LRRC47: variants seen among roughly 807,000 people sequenced by gnomAD.
The protein encoded by LRRC47 is leucine rich repeat containing 47.
Under a neutral mutation model 40.9 loss-of-function variants are expected in LRRC47, and 31 were observed. The ratio of observed to expected loss-of-function variants is 0.76; its 90% CI spans 0.57 to 1.02. The LOEUF (loss-of-function observed/expected upper bound fraction) is 1.02, where lower values mean the gene tolerates loss of function less well. Among genes scored for constraint, LRRC47 ranks in the 50% least tolerant of loss-of-function variants. The pLI, the probability that LRRC47 is intolerant of heterozygous loss-of-function variation, is 0.00. For synonymous variants in LRRC47, 427 were observed against 371.9 expected (o/e 1.15, Z -1.70); for missense variants, 726 against 796.1 (o/e 0.91, Z 1.06).
chr1:3,785,328 C>T (rs542168453), intron 2 of LRRC47, 125 bp from the exon 3 acceptor site: 10 of 531,456 alleles, frequency 1.9e-5, no homozygotes, highest in East Asian at 3.5e-5. Flanking sequence ...TTCACAACCA[C>T]GCCACGCCCC....
At chr1:3,784,927 A>ATG (rs1643557447) in intron 3 of LRRC47, 160 bp downstream of exon 3, 1 of 411,444 alleles carries the variant, frequency 2.4e-6, no homozygotes, top group Non-Finnish European at 4.4e-6. Context: ...CCCAGGAGGC[A>ATG]GAGGCTGCAG....
At position 3,787,241 on chromosome 1, in the gene LRRC47, CCTT is replaced by C; in HGVS notation, c.682_684del (p.Lys228del). 3 of 1,613,702 alleles carry C rather than the reference CCTT, an allele frequency of 1.9e-6. No homozygotes were observed. The highest frequency in any genetic ancestry group is 2.5e-6 in the Non-Finnish European group (3 of 1,180,050). The stretch of plus-strand genomic sequence containing the variant: ...AGCTTGTTCCCACGGAAATTGATCT[CCTT>C]GAGCTTGGGGCAGTCCGCAAGCTCT... On this transcript the variant is annotated inframe_deletion, in exon 2 of 7. Coordinates refer to ENST00000378251, the MANE Select transcript of LRRC47 (RefSeq NM_020710.3).
chr1:3,783,894 G>A (rs1262038641), intron 4 of LRRC47, 102 bp downstream of exon 4: 1 of 884,238 alleles, frequency 1.1e-6, no homozygotes, highest in South Asian at 1.6e-5. Context: ...TCTGGGTTCT[G>A]GTAGCATTAG....
intron 5 of LRRC47, among the ~76,000 whole-genome samples, chr1:3,782,371 A>G (rs1054896110): frequency 6.6e-6 from 1 of 151,946 alleles, no homozygotes; most frequent in Non-Finnish European, 1.5e-5. Context: ...GGTATGTGCC[A>G]CTATGCTCAG....
At chr1:3,789,437 G>A (rs144423468) in intron 1 of LRRC47, among the ~76,000 whole-genome samples, 81 of 152,404 alleles carry the variant, frequency 5.3e-4, no homozygotes, top group African/African-American at 1.8e-3. Flanking sequence ...GCAGTGCGGC[G>A]TCTCCCTCCG....
intron 1 of LRRC47, among the ~76,000 whole-genome samples, chr1:3,788,192 C>G (rs1303777098): frequency 6.6e-6 from 1 of 152,230 alleles, no homozygotes; most frequent in Admixed American, 6.5e-5. Flanking sequence ...CAAAAGGGGC[C>G]CATCCGCCTC....
At chr1:3,786,295 C>T (rs1435560209) in intron 2 of LRRC47, among the ~76,000 whole-genome samples, 2 of 152,090 alleles carry the variant, frequency 1.3e-5, no homozygotes, top group African/African-American at 4.8e-5. Context: ...GTCAGGAGTT[C>T]AAGACCAACC....
chr1:3,783,278 G>C (rs887617531), intron 4 of LRRC47, among the ~76,000 whole-genome samples: 3 of 152,030 alleles, frequency 2.0e-5, no homozygotes, highest in African/African-American at 7.2e-5. Flanking sequence ...ATATTAGCCA[G>C]GCATGGTGGC....
In LRRC47 at chr1:3,789,517, C is replaced by T. The variant is rs375960498; in HGVS notation, c.616-2207G>A. On this transcript the variant is annotated intron_variant, in intron 1 of 6. Coordinates refer to ENST00000378251, the MANE Select transcript of LRRC47 (RefSeq NM_020710.3). The stretch of plus-strand genomic sequence containing the variant: ...GCGAAGGAGGCGGGCGGGGCCCCAC[C>T]GGGGCGCCCAGAGCAGCCACAGCCA... 2.0e-3 allele frequency among the ~76,000 whole-genome samples: 303 copies of T among 152,348 alleles called. 1 individual carries two copies. Among genetic ancestry groups the T allele is most frequent in the African/African-American group, 6.9e-3 (287 of 41,598 alleles).
At chr1:3,793,549 C>G (rs1643645645) in intron 1 of LRRC47, among the ~76,000 whole-genome samples, 1 of 152,176 alleles carries the variant, frequency 6.6e-6, no homozygotes, top group Non-Finnish European at 1.5e-5. Context: ...CTGAATTCTG[C>G]TAAGGGGTAG....
intron 2 of LRRC47, among the ~76,000 whole-genome samples, chr1:3,786,561 A>G (rs1006403675): frequency 2.0e-5 from 3 of 152,058 alleles, no homozygotes; most frequent in African/African-American, 7.2e-5. Flanking sequence ...ACGACCAGTG[A>G]CCAGGACCAA....
chr1:3,794,048 A>T (rs1266075195), intron 1 of LRRC47, among the ~76,000 whole-genome samples: 3 of 152,134 alleles, frequency 2.0e-5, no homozygotes, highest in Non-Finnish European at 4.4e-5. Flanking sequence ...ACGAAAAATT[A>T]GCTGGGTGTT....
chr1:3,791,474 G>A (rs544480849), intron 1 of LRRC47, among the ~76,000 whole-genome samples: 1 of 151,784 alleles, frequency 6.6e-6, no homozygotes, highest in African/African-American at 2.4e-5. Flanking sequence ...CTTTTTTCTT[G>A]AGACGAAGTT....
Position 3,796,186 on chromosome 1 carries a change from C to T in LRRC47, c.291G>A (p.Pro97=), listed in dbSNP as rs1159691164. 9 of 1,436,916 alleles carry T rather than the reference C, an allele frequency of 6.3e-6. No homozygotes were observed. The East Asian group carries it at 2.5e-4, about 39-fold the overall frequency. The allele number at this position is 1,436,916 out of a possible 1,614,324, so 89.0% of individuals were successfully genotyped here. A position where few individuals can be genotyped will look rare whatever the true frequency, so the allele number is the denominator to read the frequency against. The part of the protein sequence containing the change: ...LGPGLSPELG[P]LPALRVLDLS... ...GGTCGAGCACCCGAAGGGCAGGCAG[C>T]GGCCCGAGCTCGGGGCTCAGGCCGG... Residue 97 remains proline (P), a synonymous_variant, in exon 1 of 7, where the codon CCG becomes CCA. Coordinates refer to ENST00000378251, the MANE Select transcript of LRRC47 (RefSeq NM_020710.3).
In LRRC47 at chr1:3,781,498, C is replaced by T. The variant is rs1217087819; in HGVS notation, c.1503+14G>A. ...CTCAAAAGCGTTTCTCAGGAGGAGC[C>T]ACCCCACACTCACCAGAATGAGGGC... On this transcript the variant is annotated intron_variant, in intron 6 of 6. Transcript: ENST00000378251. The T allele has an allele frequency of 3.1e-6, 5 of 1,611,676 alleles. No homozygotes were observed. The highest frequency in any genetic ancestry group is 1.7e-5 in the Admixed American group (1 of 59,902).
At chr1:3,785,377 G>A (rs575485168) in intron 2 of LRRC47, 174 bp from the exon 3 acceptor site, 2 of 352,690 alleles carry the variant, frequency 5.7e-6, no homozygotes, top group South Asian at 8.6e-5. Context: ...CTCTCCACCC[G>A]GCCAGCCAGG....
chr1:3,782,832 G>T, intron 4 of LRRC47, 69 bp from the exon 5 acceptor site: 1 of 975,868 alleles, frequency 1.0e-6, no homozygotes. Flanking sequence ...GTGGTGGCAT[G>T]TGCCTGTGGT....
In LRRC47 at chr1:3,782,682, T is replaced by C. The variant is rs573505361; in HGVS notation, c.1392A>G (p.Ile464Met). ...ADGDVISFPP[I>M]TNSEKTKVKK... ...CTACCTTTGTCTTCTCACTGTTGGT[T>C]ATTGGTGGGAAGGAAATCACATCAC... The change falls in exon 5 of 7, where the codon ATA becomes ATG. Residue 464 changes from isoleucine (I) to methionine (M), a missense_variant. Transcript: ENST00000378251. 7 of 1,606,808 alleles carry C rather than the reference T, an allele frequency of 4.4e-6. No homozygotes were observed. Among genetic ancestry groups the C allele is most frequent in the African/African-American group, 2.7e-5 (2 of 74,910 alleles).
At position 3,794,271 on chromosome 1, in the gene LRRC47, C is replaced by T. The variant is rs547495463; in HGVS notation, c.615+1591G>A. ...TACATGTGTAAAACTTTCTCTATTG[C>T]AACCCTCCTGCCCTGATAAATCAGC... On this transcript the variant is annotated intron_variant, in intron 1 of 6. Transcript: ENST00000378251. Among the ~76,000 whole-genome samples the T allele has an allele frequency of 2.0e-5, 3 of 152,314 alleles. No homozygotes were observed. In the South Asian group the frequency reaches 6.2e-4, roughly 32 times the overall value.
Sources: gnomAD v4.1 joint callset for allele counts (sites outside exome capture counted in the v4.1 genomes callset) on GRCh38, gnomAD v4.1.1 for gene constraint, MANE v1.5 for transcripts, NCBI Gene and HGNC (gene_info 2026-07-23, HGNC 2026-07-21) for gene names.